Variants in E2F7 observed in about 807,000 individuals in gnomAD.
The protein encoded by E2F7 is transcription factor E2F7.
In E2F7, 35 loss-of-function variants were observed where a neutral mutation model predicts 81.1. The ratio of observed to expected loss-of-function variants is 0.43; its 90% confidence interval spans 0.33 to 0.57. The LOEUF is 0.57. E2F7 is among the 20% of genes least tolerant of loss of function. The pLI is 0.04. For missense variants in E2F7, 961 were observed against 1,093.7 expected, an observed-to-expected ratio of 0.88 and a Z score of 1.71; for synonymous variants, 416 against 416.2, an observed-to-expected ratio of 1.00 and a Z score of 0.01.
At chr12:77,044,496 C>T in intron 6 of E2F7, 141 bp downstream of exon 6, 3 of 1,093,306 alleles carry the variant, frequency 2.7e-6, no homozygotes, top group Non-Finnish European at 3.9e-6. Context: ...TCTCACAGCA[C>T]CAAAAACCTT....
intron 5 of E2F7, among the ~76,000 whole-genome samples, chr12:77,045,379 TTAAGA>T (rs1237204892): frequency 1.3e-5 from 2 of 152,204 alleles, no homozygotes; most frequent in African/African-American, 2.4e-5. Context: ...TCTCTGGTTA[TTAAGA>T]TAAGTACTGG....
In E2F7 at chr12:77,025,037, G is replaced by C. The variant is rs11837321; in HGVS notation, c.2565+521C>G. Among the ~76,000 whole-genome samples, 68 of 152,080 alleles carry C rather than the reference G, an allele frequency of 4.5e-4. No individual in the cohort carries two copies. In the Middle Eastern group the frequency reaches 0.017, roughly 38 times the overall value. On this transcript the variant is annotated intron_variant, in intron 12 of 12. Transcript: ENST00000322886. Reference sequence around the variant, plus strand: ...TTTGTATGTTTTCTGCGTATGTATAGATGTATATACATCTATGTATTATAG... The same window carrying C: ...TTTGTATGTTTTCTGCGTATGTATACATGTATATACATCTATGTATTATAG...
intron 7 of E2F7, among the ~76,000 whole-genome samples, chr12:77,035,126 T>C (rs2120657430): frequency 6.6e-6 from 1 of 152,276 alleles, no homozygotes; most frequent in South Asian, 2.1e-4. Flanking sequence ...ATAATGATTT[T>C]TGCTTACTGC....
At chr12:77,054,215 C>G (rs1444055851) in intron 3 of E2F7, among the ~76,000 whole-genome samples, 2 of 151,716 alleles carry the variant, frequency 1.3e-5, no homozygotes, top group African/African-American at 2.4e-5. Context: ...CATGTACCCA[C>G]TGAACTTAAA....
intron 10 of E2F7, 61 bp from the exon 11 acceptor site, chr12:77,028,199 T>TC (rs1954775338): frequency 1.8e-6 from 1 of 553,042 alleles, no homozygotes; most frequent in African/African-American, 2.2e-5. Context: ...TAAATCTCTC[T>TC]TTTTTTTTTT....
chr12:77,045,147 A>G (rs1030584808), intron 5 of E2F7, among the ~76,000 whole-genome samples: 2 of 152,244 alleles, frequency 1.3e-5, no homozygotes, highest in Non-Finnish European at 2.9e-5. Context: ...GTGGGAATAC[A>G]GAATTGTTTT....
At chr12:77,028,935 G>A (rs1486864756) in intron 10 of E2F7, among the ~76,000 whole-genome samples, 2 of 152,208 alleles carry the variant, frequency 1.3e-5, no homozygotes, top group Non-Finnish European at 2.9e-5. Flanking sequence ...TTGTGATTTC[G>A]AAGTAGAGAA....
chr12:77,033,483 G>C (rs1954822943), intron 8 of E2F7, among the ~76,000 whole-genome samples: 1 of 152,120 alleles, frequency 6.6e-6, no homozygotes, highest in Non-Finnish European at 1.5e-5. Flanking sequence ...CTGTACTCCA[G>C]CCTGGGTGAC....
intron 2 of E2F7, among the ~76,000 whole-genome samples, chr12:77,059,885 C>T (rs1438604761): frequency 6.6e-6 from 1 of 150,910 alleles, no homozygotes. Context: ...ATAGCGTGAA[C>T]CCAGGAGGCA....
At chr12:77,062,029 T>C (rs1176119206) in intron 2 of E2F7, among the ~76,000 whole-genome samples, 3 of 152,034 alleles carry the variant, frequency 2.0e-5, no homozygotes, top group Admixed American at 6.6e-5. Context: ...CTACTCCTAG[T>C]ATAGCACTCA....
intron 7 of E2F7, among the ~76,000 whole-genome samples, chr12:77,039,113 C>T (rs1332791701): frequency 1.3e-5 from 2 of 152,128 alleles, no homozygotes; most frequent in Non-Finnish European, 2.9e-5. Context: ...AAGAAATTTA[C>T]TAGAGAAAGG....
chr12:77,036,920 T>G (rs888813325), intron 7 of E2F7, among the ~76,000 whole-genome samples: 24 of 152,122 alleles, frequency 1.6e-4, no homozygotes, highest in African/African-American at 5.6e-4. Context: ...CAGCTAATTT[T>G]TTGTATTTTT....
intron 4 of E2F7, among the ~76,000 whole-genome samples, chr12:77,049,206 T>TA (rs1160308257): frequency 6.6e-6 from 1 of 152,164 alleles, no homozygotes; most frequent in East Asian, 1.9e-4. Flanking sequence ...ATGCAACTGA[T>TA]ACACCCAGGG....
At chr12:77,054,207 T>A (rs759591789) in intron 3 of E2F7, among the ~76,000 whole-genome samples, 1 of 151,792 alleles carries the variant, frequency 6.6e-6, no homozygotes, top group African/African-American at 2.4e-5. Context: ...AACCTGCACA[T>A]GTACCCACTG....
At position 77,030,253 on chromosome 12, in the gene E2F7, CAG is replaced by C; in HGVS notation, c.1460_1461del (p.Ser487CysfsTer2). ...GGATTAACACAATATTCTGGGTCAA[CAG>C]AGAGGACAGGGAAAGGAGCAACAGG... ...LDPVAPFPVL[S>X]VDPEYCVNPL... On this transcript the variant is annotated frameshift_variant, in exon 10 of 13. Coordinates refer to ENST00000322886, the MANE Select transcript of E2F7 (RefSeq NM_203394.3). LOFTEE classifies it high-confidence loss of function. 6.2e-7 allele frequency: 1 copy of C among 1,611,470 alleles called. No homozygotes were observed. The highest frequency in any genetic ancestry group is 8.5e-7 in the Non-Finnish European group (1 of 1,178,426).
rs1363423277 is a variant in E2F7 at position 77,055,878 on chromosome 12, C to T, written c.346G>A (p.Asp116Asn). 6.8e-6 allele frequency: 11 copies of T among 1,612,068 alleles called. No homozygotes were observed. The highest frequency in any genetic ancestry group is 1.6e-4 in the Middle Eastern group (1 of 6,070). The change falls in exon 3 of 13, where the codon GAT becomes AAT. Residue 116 changes from aspartate to asparagine, a missense_variant. Asp to Asn is a conservative substitution (Grantham distance 23). Transcript: ENST00000322886. ...ACCTGTAGAGAATCTGTAAATGCAT[C>T]GTCCTTGTTTTCAATGGGTCGGAAT... ...GLFRPIENKD[D>N]AFTDSLQLDV...
At chr12:77,045,710 A>C (rs886203114) in intron 5 of E2F7, 1 of 261,694 alleles carries the variant, frequency 3.8e-6, no homozygotes, top group African/African-American at 2.2e-5. Context: ...AATTCTTTGA[A>C]AATATAACTT....
At chr12:77,063,409 C>T (rs904144863) in intron 2 of E2F7, among the ~76,000 whole-genome samples, 1 of 152,158 alleles carries the variant, frequency 6.6e-6, no homozygotes, top group African/African-American at 2.4e-5. Flanking sequence ...GTTTTGCTGT[C>T]ATACCCCAAA....
At chr12:77,065,202 C>G (rs1831549090) in intron 1 of E2F7, 143 bp downstream of exon 1, 1 of 152,340 alleles carries the variant, frequency 6.6e-6, no homozygotes, top group Non-Finnish European at 1.5e-5. Context: ...GGCACACCCT[C>G]TGCGCACCGG....
Sources: allele counts gnomAD v4.1 joint callset (sites outside exome capture counted in the v4.1 genomes callset), GRCh38; gene constraint gnomAD v4.1.1; transcripts MANE v1.5; gene names NCBI Gene and HGNC (gene_info 2026-07-23, HGNC 2026-07-21).